Variants in ERCC6 observed in about 807,000 individuals in gnomAD.
ERCC6 encodes ERCC excision repair 6, chromatin remodeling factor.
ERCC6 carries 116 observed loss-of-function variants against 158.7 expected under a neutral mutation model. The ratio of observed to expected loss-of-function variants is 0.73; its 90% CI spans 0.63 to 0.85. The LOEUF (loss-of-function observed/expected upper bound fraction) is 0.85, where lower values mean the gene tolerates loss of function less well. Among genes scored for constraint, ERCC6 ranks in the 40% least tolerant of loss-of-function variants. ERCC6 has a pLI of 0.00. For missense variants in ERCC6, 1,698 were observed against 1,799.4 expected, an observed-to-expected ratio of 0.94 and a Z score of 1.02; for synonymous variants, 678 against 659.3, an observed-to-expected ratio of 1.03 and a Z score of -0.43.
In ERCC6 at chr10:49,454,901, G is replaced by A. The variant is rs997717232; in HGVS notation, c.*3914C>T. Among the ~76,000 whole-genome samples, 1 of 152,132 alleles carries A rather than the reference G, an allele frequency of 6.6e-6. No individual in the cohort carries two copies. The highest frequency in any genetic ancestry group is 2.4e-5 in the African/African-American group (1 of 41,424). On this transcript the variant is annotated 3_prime_UTR_variant, in exon 21 of 21. Coordinates refer to ENST00000355832, the MANE Select transcript of ERCC6 (RefSeq NM_000124.4). ...ATTTCCGTACATTATATGTAAATTGGTAAAGGTGGCCTTATACATCAGGAG... is the reference window on the plus strand; with the variant it reads ...ATTTCCGTACATTATATGTAAATTGATAAAGGTGGCCTTATACATCAGGAG...
At chr10:49,513,341 A>G (rs1836857015) in intron 5 of ERCC6, among the ~76,000 whole-genome samples, 1 of 152,196 alleles carries the variant, frequency 6.6e-6, no homozygotes, top group African/African-American at 2.4e-5. Context: ...ACACATACAT[A>G]CATATTTCTT....
intron 6 of ERCC6, chr10:49,503,007 C>A (rs1851380444): frequency 6.6e-6 from 1 of 152,144 alleles, no homozygotes; most frequent in South Asian, 2.1e-4. Flanking sequence ...AGTCAGTTGA[C>A]CTCTTTTTGC....
chr10:49,448,791 C>T, the ERCC6 span, among the ~76,000 whole-genome samples: 2 of 152,168 alleles, frequency 1.3e-5, no homozygotes, highest in African/African-American at 2.4e-5. Context: ...AGTGTTATAG[C>T]ATGTATCAGT....
intron 10 of ERCC6, among the ~76,000 whole-genome samples, chr10:49,481,819 T>C (rs1850984696): frequency 6.6e-6 from 1 of 152,338 alleles, no homozygotes; most frequent in South Asian, 2.1e-4. Flanking sequence ...AAATGCCACC[T>C]GCGTCTCCTG....
chr10:49,505,039 T>C (rs1851420428), intron 6 of ERCC6: 1 of 152,144 alleles, frequency 6.6e-6, no homozygotes, highest in Non-Finnish European at 1.5e-5. Context: ...CTTAATCATC[T>C]CGAACAAAGA....
Position 49,524,309 on chromosome 10 carries a change from T to C in ERCC6, c.1121A>G (p.Tyr374Cys). 1.9e-6 allele frequency: 3 copies of C among 1,614,064 alleles called. No individual in the cohort carries two copies. The highest frequency in any genetic ancestry group is 2.5e-6 in the Non-Finnish European group (3 of 1,179,990). ...CTCTTCCTCCTCCTCTGTGGGGAAA[T>C]ACTCAGACTCTTCACCCTCAGAGTC... is the stretch of plus-strand genomic sequence containing the variant. Reference protein sequence around the residue: ...EGDSEGEESEYFPTEEEEEEE... With the variant: ...EGDSEGEESECFPTEEEEEEE... The change falls in exon 5 of 21, where the codon TAT becomes TGT. Residue 374 changes from tyrosine (Y) to cysteine (C), a missense_variant. Transcript: ENST00000355832.
At chr10:49,507,836 A>C (rs1851470102) in intron 5 of ERCC6, among the ~76,000 whole-genome samples, 1 of 152,188 alleles carries the variant, frequency 6.6e-6, no homozygotes, top group Non-Finnish European at 1.5e-5. Context: ...GTAAAAAGTT[A>C]TCAAGTCTCA....
At chr10:49,469,388 A>C (rs980730832) in intron 18 of ERCC6, among the ~76,000 whole-genome samples, 5 of 152,200 alleles carry the variant, frequency 3.3e-5, no homozygotes, top group South Asian at 2.1e-4. Flanking sequence ...AAAAAAATGT[A>C]TGCATAGATG....
chr10:49,493,228 T>C lies in ERCC6; in HGVS notation c.1710A>G (p.Val570=), dbSNP rs2132565071. ...GCATCACTGTTGTTGGACAGACAAT[T>C]ACAGTTGGACCCAACCCCTCAAACC... ...NYRFEGLGPT[V]IVCPTTVMHQ... is the part of the protein sequence containing the mutation. Residue 570 remains valine (V), a synonymous_variant, in exon 8 of 21, where the codon GTA becomes GTG. Transcript: ENST00000355832. The C allele has an allele frequency of 6.2e-7, 1 of 1,614,120 alleles. No homozygotes were observed. The highest frequency in any genetic ancestry group is 8.5e-7 in the Non-Finnish European group (1 of 1,180,028).
In ERCC6 at chr10:49,517,990, A is replaced by T. The variant is rs887214248; in HGVS notation, c.1397+6043T>A. ...GTTTTTTCTCTTTAATTTGGGCTTT[A>T]AAAAAAAGGCACAATCAAATCAACC... On this transcript the variant is annotated intron_variant, in intron 5 of 20. Coordinates refer to ENST00000355832, the MANE Select transcript of ERCC6 (RefSeq NM_000124.4). Among the ~76,000 whole-genome samples the T allele has an allele frequency of 7.2e-5, 11 of 152,248 alleles. No individual in the cohort carries two copies. In the East Asian group the frequency reaches 1.5e-3, roughly 21 times the overall value.
At chr10:49,439,212 C>A in the ERCC6 span, among the ~76,000 whole-genome samples, 1 of 152,252 alleles carries the variant, frequency 6.6e-6, no homozygotes, top group Non-Finnish European at 1.5e-5. Flanking sequence ...AGTGCCCCGC[C>A]CCTGCAGCAA....
chr10:49,508,589 G>C lies in ERCC6; in HGVS notation c.1398-2577C>G, dbSNP rs1438887855. On this transcript the variant is annotated intron_variant, in intron 5 of 20. Transcript: ENST00000355832. Reference sequence around the variant, plus strand: ...GTGGTGGGGAAAATCATTATTGCCTGCAAGTATTTGTATCATTGTGAAGAC... The same window carrying C: ...GTGGTGGGGAAAATCATTATTGCCTCCAAGTATTTGTATCATTGTGAAGAC... Among the ~76,000 whole-genome samples the C allele has an allele frequency of 2.6e-5, 4 of 152,148 alleles. No homozygotes were observed. In the South Asian group the frequency reaches 8.3e-4, roughly 32 times the overall value.
intron 10 of ERCC6, 95 bp downstream of exon 10, chr10:49,482,592 C>A: frequency 6.6e-6 from 6 of 910,452 alleles, no homozygotes; most frequent in African/African-American, 3.6e-5. Context: ...GGCCATCTTT[C>A]TCACATTCTG....
At chr10:49,460,338 C>T in intron 20 of ERCC6, 35 bp downstream of exon 20, 1 of 1,454,404 alleles carries the variant, frequency 6.9e-7, no homozygotes, top group Non-Finnish European at 9.7e-7. Flanking sequence ...TCAAGCAAGT[C>T]TCACCCTGGA....
At chr10:49,446,530 C>A in the ERCC6 span, among the ~76,000 whole-genome samples, 1 of 152,188 alleles carries the variant, frequency 6.6e-6, no homozygotes, top group African/African-American at 2.4e-5. Context: ...AATCCCAGTG[C>A]TTTGGGAGGC....
chr10:49,447,472 G>C, the ERCC6 span, among the ~76,000 whole-genome samples: 3 of 152,110 alleles, frequency 2.0e-5, no homozygotes, highest in African/African-American at 7.2e-5. Context: ...CAGATCACAA[G>C]GTCAGGAGAT....
At chr10:49,522,343 A>T (rs1466250186) in intron 5 of ERCC6, among the ~76,000 whole-genome samples, 2 of 152,226 alleles carry the variant, frequency 1.3e-5, no homozygotes, top group Non-Finnish European at 2.9e-5. Flanking sequence ...AACAGCACCA[A>T]AGGAGATGTA....
chr10:49,458,664 T>A lies in ERCC6; in HGVS notation c.*151A>T. ...TTAACTTTCAGAGAAGAGTTTCTTCTTCCTTAAAGTTTTAATTCTGAGGTA... is the reference window on the plus strand; with the variant it reads ...TTAACTTTCAGAGAAGAGTTTCTTCATCCTTAAAGTTTTAATTCTGAGGTA... On this transcript the variant is annotated 3_prime_UTR_variant, in exon 21 of 21. Transcript: ENST00000355832. The A allele has an allele frequency of 1.4e-6, 1 of 734,412 alleles. No individual in the cohort carries two copies. Among genetic ancestry groups the A allele is most frequent in the South Asian group, 1.8e-5 (1 of 56,388 alleles). The allele number at this position is 734,412 out of a possible 1,614,324, so 45.5% of individuals were successfully genotyped here. A position where few individuals can be genotyped will look rare whatever the true frequency, so the allele number is the denominator to read the frequency against.
downstream of ERCC6, among the ~76,000 whole-genome samples, chr10:49,451,952 T>TGGTAGTA (rs1013785103): frequency 1.2e-3 from 179 of 152,316 alleles, no homozygotes; most frequent in African/African-American, 4.0e-3. Flanking sequence ...TCTGTAAGGT[T>TGGTAGTA]GGTAGTAGTG....
Sources: gnomAD v4.1 joint callset for allele counts (sites outside exome capture counted in the v4.1 genomes callset) on GRCh38, gnomAD v4.1.1 for gene constraint, MANE v1.5 for transcripts, NCBI Gene and HGNC (gene_info 2026-07-23, HGNC 2026-07-21) for gene names.